Variants in IGSF9 observed in about 807,000 individuals in gnomAD.
The protein encoded by IGSF9 is protein turtle homolog A.
In IGSF9, 87 loss-of-function variants were observed where a neutral mutation model predicts 121.7. The observed-to-expected ratio is 0.71, with a 90% CI of 0.60 to 0.85. IGSF9 has a LOEUF of 0.85. IGSF9 is among the 40% of genes least tolerant of loss of function. IGSF9 has a pLI of 0.00. For synonymous variants in IGSF9, 640 were observed against 648.4 expected (o/e 0.99, Z 0.20); for missense variants, 1,462 against 1,565.3 (o/e 0.93, Z 1.11).
At position 159,934,242 on chromosome 1, in the gene IGSF9, G is replaced by C. The variant is rs754726727; in HGVS notation, c.1052C>G (p.Pro351Arg). The C allele has an allele frequency of 1.2e-6, 2 of 1,613,808 alleles. No individual in the cohort carries two copies. The highest frequency in any genetic ancestry group is 3.3e-5 in the Admixed American group (2 of 59,992). ...CTTGGTCCAGCTGACAAAGAGCAGTGGGGGGTTGGCACGAACCGGGCAGCG... is the reference window on the plus strand; with the variant it reads ...CTTGGTCCAGCTGACAAAGAGCAGTCGGGGGTTGGCACGAACCGGGCAGCG... The part of the protein sequence containing the change: ...VIRCPVRANP[P>R]LLFVSWTKDG... The change falls in exon 9 of 21, where the codon CCA becomes CGA. Residue 351 changes from proline to arginine, a missense_variant. Coordinates refer to ENST00000368094, the MANE Select transcript of IGSF9 (RefSeq NM_001135050.2).
In IGSF9 at chr1:159,929,804, G is replaced by C. The variant is rs150887287; in HGVS notation, c.2160C>G (p.Val720=). ...CCGGCAGCTGCGTGCGCGAAGGGTA[G>C]ACCTCCAGACCTAGGCAGGGGTCCA... ...TANVSTSGLE[V]YPSRTQLPGL... is the part of the protein sequence containing the mutation. The change falls in exon 17 of 21, where the codon GTC becomes GTG. Residue 720 remains valine (V), a synonymous_variant. Transcript: ENST00000368094. The C allele has an allele frequency of 1.3e-5, 21 of 1,604,780 alleles. No homozygotes were observed. The highest frequency in any genetic ancestry group is 1.8e-5 in the Non-Finnish European group (21 of 1,176,498).
Position 159,932,631 on chromosome 1 carries a change from T to C in IGSF9, c.1126A>G (p.Thr376Ala). ...AGGGCGATGATCAGTGAGCCTTCTG[T>C]GCCCTGGGACCAGCCAGGGAACTGG... ...LDKFPGWSQG[T>A]EGSLIIALGN... The change falls in exon 10 of 21, where the codon ACA (threonine) becomes GCA (alanine). Residue 376 changes from threonine to alanine, a missense_variant. Transcript: ENST00000368094. The surrounding 1 kb of genome is among the most constrained non-coding windows in gnomAD (Gnocchi z 4.1). The C allele has an allele frequency of 6.2e-7, 1 of 1,612,962 alleles. No homozygotes were observed. The highest frequency in any genetic ancestry group is 2.2e-5 in the East Asian group (1 of 44,832).
intron 3 of IGSF9, among the ~76,000 whole-genome samples, chr1:159,938,523 T>C (rs1371807906): frequency 1.3e-5 from 2 of 152,104 alleles, no homozygotes; most frequent in Non-Finnish European, 2.9e-5. Context: ...ATCCCACTCT[T>C]AGTCAGCATC....
chr1:159,939,078 T>C (rs541445033), intron 3 of IGSF9, among the ~76,000 whole-genome samples: 176 of 152,244 alleles, frequency 1.2e-3, no homozygotes, highest in South Asian at 5.4e-3. Context: ...CTCCTAAACA[T>C]TTCCCCTTCT....
intron 1 of IGSF9, among the ~76,000 whole-genome samples, chr1:159,944,697 T>A (rs560940565): frequency 6.6e-5 from 10 of 152,304 alleles, no homozygotes; most frequent in Admixed American, 2.0e-4. Context: ...TGCCAGGGCC[T>A]GGCACTGCCA....
chr1:159,938,043 G>A (rs780832026), intron 3 of IGSF9, among the ~76,000 whole-genome samples: 3 of 152,128 alleles, frequency 2.0e-5, no homozygotes, highest in Non-Finnish European at 4.4e-5. Flanking sequence ...CTTGCCATTC[G>A]ACAGCTGGGA....
In IGSF9 at chr1:159,936,905, G is replaced by A. The variant is rs997749411; in HGVS notation, c.404C>T (p.Pro135Leu). 3.1e-6 allele frequency: 5 copies of A among 1,613,972 alleles called. No homozygotes were observed. In the African/African-American group the frequency reaches 5.3e-5, roughly 17 times the overall value. ...GSWVHLTVNS[P>L]PQFQETPPAV... ...AGGAGGTGTCTCCTGGAATTGAGGG[G>A]GTGCTGCAAGGGAGACAGGCATCAG... Residue 135 changes from proline (P) to leucine (L), a missense_variant, in exon 5 of 21, where the codon CCC becomes CTC. Pro to Leu is a moderately conservative substitution (Grantham distance 98). Around this residue, in one of 3 missense-constraint regions of IGSF9, gnomAD observed 558 missense variants for 599.4 expected, o/e 0.93. Transcript: ENST00000368094.
chr1:159,927,259 G>A lies in IGSF9; in HGVS notation c.*86C>T, dbSNP rs1571208010. 1 of 1,529,446 alleles carries A rather than the reference G, an allele frequency of 6.5e-7. No homozygotes were observed. The highest frequency in any genetic ancestry group is 1.1e-5 in the South Asian group (1 of 88,652). The allele number at this position is 1,529,446 out of a possible 1,614,324, so 94.7% of individuals were successfully genotyped here. A position where few individuals can be genotyped will look rare whatever the true frequency, so the allele number is the denominator to read the frequency against. On this transcript the variant is annotated 3_prime_UTR_variant, in exon 21 of 21. Coordinates refer to ENST00000368094, the MANE Select transcript of IGSF9 (RefSeq NM_001135050.2). ...GGCACCAAAGGGGCAGGCAGGGGCA[G>A]TGCCCTCGTTTGAAACTAGGTCTGT...
chr1:159,939,228 G>A lies in IGSF9; in HGVS notation c.248-1390C>T, dbSNP rs574125229. On this transcript the variant is annotated intron_variant, in intron 3 of 20. Transcript: ENST00000368094. ...ACCTTGACCTCTGCTATGAACAAAT[G>A]GAGCTTTCTTTTTTTTTAGAGACAG... Among the ~76,000 whole-genome samples, 64 of 152,174 alleles carry A rather than the reference G, an allele frequency of 4.2e-4. 1 individual carries two copies. The Middle Eastern group carries it at 0.017, about 40-fold the overall frequency.
intron 1 of IGSF9, among the ~76,000 whole-genome samples, 153 bp from the exon 2 acceptor site, chr1:159,943,781 G>A (rs1298783922): frequency 1.3e-5 from 2 of 151,980 alleles, no homozygotes; most frequent in Non-Finnish European, 2.9e-5. Context: ...AAGCCCTGGG[G>A]AGTAAGAGCA....
chr1:159,945,420 C>T (rs1371605840), intron 1 of IGSF9, among the ~76,000 whole-genome samples, 153 bp downstream of exon 1: 1 of 152,070 alleles, frequency 6.6e-6, no homozygotes, highest in East Asian at 1.9e-4. Flanking sequence ...CACCCACCCG[C>T]CAAGAATTCC....
Position 159,940,324 on chromosome 1 carries a change from C to T in IGSF9, c.248-2486G>A, listed in dbSNP as rs919991544. 2.0e-5 allele frequency among the ~76,000 whole-genome samples: 3 copies of T among 152,234 alleles called. No individual in the cohort carries two copies. The South Asian group carries it at 6.2e-4, about 31-fold the overall frequency. On this transcript the variant is annotated intron_variant, in intron 3 of 20. Coordinates refer to ENST00000368094, the MANE Select transcript of IGSF9 (RefSeq NM_001135050.2). ...TACTCAGAATATCCAAAGAAGCATACTGCATGTCCTAGCTTTTCTGTGACA... is the reference window on the plus strand; with the variant it reads ...TACTCAGAATATCCAAAGAAGCATATTGCATGTCCTAGCTTTTCTGTGACA...
At chr1:159,936,552 C>G in intron 5 of IGSF9, 36 bp from the exon 6 acceptor site, 1 of 1,594,136 alleles carries the variant, frequency 6.3e-7, no homozygotes. Context: ...GTCCTTTCCC[C>G]TGCCAGCCTC....
rs1024211048 is a variant in IGSF9 at position 159,927,140 on chromosome 1, A to C, written c.*205T>G. The C allele has an allele frequency of 1.7e-6, 1 of 603,384 alleles. No homozygotes were observed. The allele number at this position is 603,384 out of a possible 1,614,324, so 37.4% of individuals were successfully genotyped here. A position where few individuals can be genotyped will look rare whatever the true frequency, so the allele number is the denominator to read the frequency against. ...GAGAGAGAGAGAGAGAGGCAGACCT[A>C]AGATCCCTGTTCCAATCCCCAGACT... On this transcript the variant is annotated 3_prime_UTR_variant, in exon 21 of 21. Transcript: ENST00000368094.
At position 159,929,371 on chromosome 1, in the gene IGSF9, C is replaced by T. The variant is rs1557930472; in HGVS notation, c.2349G>A (p.Pro783=). ...CTTACGGTGCAGCTGACTTCCCGGTCGGAGAGAAGATAAGAGGTGGATCTG... is the reference window on the plus strand; with the variant it reads ...CTTACGGTGCAGCTGACTTCCCGGTTGGAGAGAAGATAAGAGGTGGATCTG... ...LRQDPPLIFS[P]TGKSAAPSAL... Residue 783 remains proline, a synonymous_variant, in exon 18 of 21, where the codon CCG becomes CCA. Transcript: ENST00000368094. The T allele has an allele frequency of 6.2e-7, 1 of 1,614,044 alleles. No homozygotes were observed. The highest frequency in any genetic ancestry group is 8.5e-7 in the Non-Finnish European group (1 of 1,179,996).
intron 20 of IGSF9, 113 bp from the exon 21 acceptor site, chr1:159,927,639 A>C: frequency 6.5e-7 from 1 of 1,540,378 alleles, no homozygotes; most frequent in South Asian, 1.2e-5. Context: ...GGGGCAAGGC[A>C]CAGTCTAGAG....
Position 159,931,547 on chromosome 1 carries a change from C to T in IGSF9, c.1419G>A (p.Leu473=). 6.2e-7 allele frequency: 1 copy of T among 1,614,144 alleles called. No individual in the cohort carries two copies. Among genetic ancestry groups the T allele is most frequent in the Non-Finnish European group, 8.5e-7 (1 of 1,180,010 alleles). Residue 473 remains leucine, a synonymous_variant, in exon 12 of 21, where the codon CTG becomes CTA. Coordinates refer to ENST00000368094, the MANE Select transcript of IGSF9 (RefSeq NM_001135050.2). This position sits in a 1 kb window ranked among gnomAD's most constrained non-coding sequence, Gnocchi z 4.8. ...AQVDSNSSLI[L]RPLTKEAHGH... ...CGTGGGCCTCCTTGGTCAATGGTCGCAGGATGAGGCTGCTGTTGCTGTCCA... is the reference window on the plus strand; with the variant it reads ...CGTGGGCCTCCTTGGTCAATGGTCGTAGGATGAGGCTGCTGTTGCTGTCCA...
rs758120899 is a variant in IGSF9 at position 159,927,532 on chromosome 1, AG to A, written c.3359-7del. 2 of 1,609,494 alleles carry A rather than the reference AG, an allele frequency of 1.2e-6. No individual in the cohort carries two copies. The highest frequency in any genetic ancestry group is 2.7e-5 in the African/African-American group (2 of 74,862). On this transcript the variant is annotated splice_polypyrimidine_tract_variant and splice_region_variant and intron_variant, in intron 20 of 20. Coordinates refer to ENST00000368094, the MANE Select transcript of IGSF9 (RefSeq NM_001135050.2). ...CTCCTCTGGAGTCTTCACACCTGCA[AG>A]AGGCGGGCAGGACAATGAGAAGAAG... is the stretch of plus-strand genomic sequence containing the variant.
Position 159,932,724 on chromosome 1 carries a change from G to A in IGSF9, c.1105-72C>T. Reference sequence around the variant, plus strand: ...ACAAGCCCGGGATGGCAGTACAAGAGAGGGGGCAGGATGAGAAACCCACAG... The same window carrying A: ...ACAAGCCCGGGATGGCAGTACAAGAAAGGGGGCAGGATGAGAAACCCACAG... On this transcript the variant is annotated intron_variant, in intron 9 of 20. Coordinates refer to ENST00000368094, the MANE Select transcript of IGSF9 (RefSeq NM_001135050.2). This position sits in a 1 kb window ranked among gnomAD's most constrained non-coding sequence, Gnocchi z 4.1. 2 of 1,472,842 alleles carry A rather than the reference G, an allele frequency of 1.4e-6. No homozygotes were observed. The highest frequency in any genetic ancestry group is 1.8e-6 in the Non-Finnish European group (2 of 1,087,530). 91.2% of individuals were successfully genotyped at this position (1,472,842 alleles called of 1,614,324 possible).
Sources: allele counts gnomAD v4.1 joint callset (sites outside exome capture counted in the v4.1 genomes callset), GRCh38; gene constraint gnomAD v4.1.1; regional missense constraint gnomAD v4.1.1; non-coding constraint Gnocchi (gnomAD v3.1); transcripts MANE v1.5; gene names NCBI Gene and HGNC (gene_info 2026-07-23, HGNC 2026-07-21).